Variants in ESR1 observed in about 807,000 individuals in gnomAD.
ESR1 encodes the protein estrogen receptor.
Under a neutral mutation model 52.7 loss-of-function variants are expected in ESR1, and 12 were observed. The ratio of observed to expected loss-of-function variants is 0.23; its 90% CI spans 0.15 to 0.37. The LOEUF is 0.37. Among genes scored for constraint, ESR1 ranks in the 10% least tolerant of loss-of-function variants. The probability of loss-of-function intolerance (pLI) is 1.00; values close to 1 mark genes in which losing one functional copy is unlikely to be tolerated. For missense variants in ESR1, 584 were observed against 779.7 expected (o/e 0.75, Z 2.99); for synonymous variants, 305 against 316.8 (o/e 0.96, Z 0.39).
chr6:152,077,127 C>G (rs1028817069), intron 6 of ESR1, among the ~76,000 whole-genome samples: 3 of 152,132 alleles, frequency 2.0e-5, no homozygotes, highest in Admixed American at 1.3e-4. Context: ...GGGCCAGTCC[C>G]AGGGTCCCCA....
chr6:152,096,205 G>A (rs544624836), intron 7 of ESR1, among the ~76,000 whole-genome samples: 1 of 152,182 alleles, frequency 6.6e-6, no homozygotes, highest in Non-Finnish European at 1.5e-5. Flanking sequence ...AAAAGGACAG[G>A]TACTCATGGG....
At chr6:151,918,285 C>A (rs1449543281) in intron 3 of ESR1, among the ~76,000 whole-genome samples, 1 of 152,178 alleles carries the variant, frequency 6.6e-6, no homozygotes, top group Non-Finnish European at 1.5e-5. Context: ...AGATCTGCCA[C>A]CCTGGTAGGC....
In ESR1 at chr6:152,101,379, CA is replaced by C. The variant is rs895666159; in HGVS notation, c.*2422del. 2.9e-4 allele frequency: 67 copies of C among 230,266 alleles called. No individual in the cohort carries two copies. Among genetic ancestry groups the C allele is most frequent in the East Asian group, 1.3e-3 (21 of 16,236 alleles). 14.3% of individuals were successfully genotyped at this position (230,266 alleles called of 1,614,324 possible). A position where few individuals can be genotyped will look rare whatever the true frequency, so the allele number is the denominator to read the frequency against. On this transcript the variant is annotated 3_prime_UTR_variant, in exon 8 of 8. Coordinates refer to ENST00000206249, the MANE Select transcript of ESR1 (RefSeq NM_000125.4). ...TTCTTTTAAAAAAATTAAAATAAAA[CA>C]AAAAAAAATTTCTAGGACTAGACGA...
At chr6:151,770,616 A>T (rs1459951856) in intron 2 of ESR1, among the ~76,000 whole-genome samples, 1 of 152,134 alleles carries the variant, frequency 6.6e-6, no homozygotes, top group African/African-American at 2.4e-5. Flanking sequence ...TAAAGGTGAT[A>T]CGGGATTTTG....
intron 4 of ESR1, among the ~76,000 whole-genome samples, chr6:152,002,128 GA>G (rs1031640578): frequency 1.3e-5 from 2 of 151,598 alleles, no homozygotes; most frequent in African/African-American, 4.8e-5. Context: ...ATCCATTCCA[GA>G]ACTATAAGTC....
chr6:151,985,651 C>T (rs1041238584), intron 4 of ESR1, among the ~76,000 whole-genome samples: 4 of 150,766 alleles, frequency 2.7e-5, no homozygotes, highest in Admixed American at 1.3e-4. Flanking sequence ...ATGGGGCAAT[C>T]GTCATAACTT....
chr6:151,661,607 G>T (rs1468532510), intron 1 of ESR1, among the ~76,000 whole-genome samples: 1 of 152,202 alleles, frequency 6.6e-6, no homozygotes, highest in Admixed American at 6.5e-5. Context: ...GCACCAATAA[G>T]TTTTGGCTCT....
At chr6:151,742,673 T>C (rs1011714726) in intron 2 of ESR1, among the ~76,000 whole-genome samples, 8 of 152,200 alleles carry the variant, frequency 5.3e-5, no homozygotes, top group African/African-American at 1.7e-4. Flanking sequence ...AAAAGTGCTA[T>C]TAAGTGTTTG....
At chr6:151,829,878 A>T (rs1027079126) in intron 1 of ESR1, among the ~76,000 whole-genome samples, 2 of 152,210 alleles carry the variant, frequency 1.3e-5, no homozygotes, top group East Asian at 3.9e-4. Context: ...TCTTTTCATC[A>T]CAATACTCTG....
chr6:151,822,185 G>A (rs541887595), intron 1 of ESR1, among the ~76,000 whole-genome samples: 1 of 152,236 alleles, frequency 6.6e-6, no homozygotes, highest in South Asian at 2.1e-4. Flanking sequence ...TCACAATGCT[G>A]TAAAGAGATA....
At chr6:151,829,704 C>T (rs934229333) in intron 1 of ESR1, among the ~76,000 whole-genome samples, 1 of 152,222 alleles carries the variant, frequency 6.6e-6, no homozygotes, top group Non-Finnish European at 1.5e-5. Flanking sequence ...AAATCATGGT[C>T]ACACCATTGT....
intron 4 of ESR1, among the ~76,000 whole-genome samples, chr6:151,974,860 G>A (rs1400460082): frequency 6.6e-6 from 1 of 152,138 alleles, no homozygotes; most frequent in African/African-American, 2.4e-5. Flanking sequence ...GACTCGCTCT[G>A]TCTCTGCCTA....
chr6:151,815,148 T>C (rs1393959066), intron 1 of ESR1, among the ~76,000 whole-genome samples: 1 of 152,256 alleles, frequency 6.6e-6, no homozygotes, highest in Non-Finnish European at 1.5e-5. Flanking sequence ...TTAAAGGTTC[T>C]TTCTGGTGAC....
chr6:151,968,731 A>G (rs2038574379), intron 4 of ESR1, among the ~76,000 whole-genome samples: 1 of 152,090 alleles, frequency 6.6e-6, no homozygotes, highest in African/African-American at 2.4e-5. Flanking sequence ...CTCTCCCTAC[A>G]CTGGGCGAGC....
chr6:151,734,896 A>G (rs979922568), intron 2 of ESR1, among the ~76,000 whole-genome samples: 12 of 152,268 alleles, frequency 7.9e-5, no homozygotes, highest in African/African-American at 2.9e-4. Flanking sequence ...TGCTGGCATT[A>G]CTGGCATGAA....
intron 6 of ESR1, among the ~76,000 whole-genome samples, chr6:152,114,618 G>A (rs891010122): frequency 6.6e-6 from 1 of 152,070 alleles, no homozygotes; most frequent in Non-Finnish European, 1.5e-5. Context: ...AAGGCCGGGC[G>A]CGGTGGCTCA....
intron 5 of ESR1, among the ~76,000 whole-genome samples, chr6:152,052,905 G>T (rs1348329052): frequency 6.6e-6 from 1 of 152,122 alleles, no homozygotes; most frequent in Non-Finnish European, 1.5e-5. Context: ...TTGAACAAGG[G>T]CCAGAAACCC....
At chr6:151,973,781 T>C (rs962845042) in intron 4 of ESR1, among the ~76,000 whole-genome samples, 2 of 152,196 alleles carry the variant, frequency 1.3e-5, no homozygotes, top group African/African-American at 4.8e-5. Flanking sequence ...GAACACTCAG[T>C]AAATGCTTCC....
chr6:151,961,171 A>G (rs3020399), intron 4 of ESR1, among the ~76,000 whole-genome samples: 109,539 of 151,946 alleles, frequency 0.72, 40,470 homozygotes, highest in Middle Eastern at 0.86. Context: ...ATGATGAATG[A>G]GATTAGCAAA....
Sources: allele counts gnomAD v4.1 joint callset (sites outside exome capture counted in the v4.1 genomes callset), GRCh38; gene constraint gnomAD v4.1.1; transcripts MANE v1.5; gene names NCBI Gene and HGNC (gene_info 2026-07-23, HGNC 2026-07-21).